The following FSTL5 variants were observed in gnomAD, a reference collection of about 807,000 sequenced individuals.
FSTL5 encodes the protein follistatin-related protein 5.
In FSTL5, 62 loss-of-function variants were observed where a neutral mutation model predicts 89.1. The observed-to-expected ratio is 0.70, with a 90% CI of 0.57 to 0.86. FSTL5 has a LOEUF of 0.86. FSTL5 is among the 40% of genes least tolerant of loss of function. FSTL5 has a pLI of 0.00. For synonymous variants in FSTL5, 383 were observed against 346.2 expected, an observed-to-expected ratio of 1.11 and a Z score of -1.18; for missense variants, 1,057 against 1,001.6, an observed-to-expected ratio of 1.06 and a Z score of -0.75.
chr4:162,067,943 T>A (rs1198395479), intron 2 of FSTL5, among the ~76,000 whole-genome samples: 1 of 151,916 alleles, frequency 6.6e-6, no homozygotes. Flanking sequence ...TGAACTCCAA[T>A]TCACAATTCC....
intron 4 of FSTL5, among the ~76,000 whole-genome samples, chr4:161,870,405 G>GA (rs1001295413): frequency 1.7e-4 from 26 of 151,648 alleles, no homozygotes; most frequent in African/African-American, 4.1e-4. Context: ...AGTAAAAAAA[G>GA]AAAAAACAAG....
intron 4 of FSTL5, among the ~76,000 whole-genome samples, chr4:161,837,520 AG>A (rs1731085319): frequency 6.6e-6 from 1 of 152,106 alleles, no homozygotes. Context: ...CACTAGTTTG[AG>A]GTGAAAAAAT....
intron 2 of FSTL5, among the ~76,000 whole-genome samples, chr4:162,065,375 TAAATA>T (rs1738860242): frequency 6.6e-6 from 1 of 151,722 alleles, no homozygotes; most frequent in Non-Finnish European, 1.5e-5. Flanking sequence ...CCCCAAAACC[TAAATA>T]AATATGGGAA....
At chr4:161,986,466 C>T (rs952497708) in intron 3 of FSTL5, among the ~76,000 whole-genome samples, 3 of 152,032 alleles carry the variant, frequency 2.0e-5, no homozygotes, top group Non-Finnish European at 2.9e-5. Context: ...GCAGGAGAAT[C>T]GCTTGAACCC....
At position 162,111,426 on chromosome 4, in the gene FSTL5, A is replaced by G. The variant is rs1261979870; in HGVS notation, c.-16-14T>C. 1.9e-6 allele frequency: 3 copies of G among 1,573,530 alleles called. No individual in the cohort carries two copies. The highest frequency in any genetic ancestry group is 2.6e-6 in the Non-Finnish European group (3 of 1,152,490). On this transcript the variant is annotated splice_polypyrimidine_tract_variant and intron_variant, in intron 1 of 15. Transcript: ENST00000306100. ...ATTGCTTTTCACCTGTCAAAATTAA[A>G]ATTGCAAGGAATCAGAGAAAATGAA...
At chr4:161,574,262 G>C (rs1274945567) in intron 8 of FSTL5, among the ~76,000 whole-genome samples, 4 of 151,672 alleles carry the variant, frequency 2.6e-5, no homozygotes, top group Non-Finnish European at 5.9e-5. Context: ...CTTTTGGAGA[G>C]AATATTCACC....
chr4:161,584,316 AGTCT>A (rs1172660389), intron 8 of FSTL5, among the ~76,000 whole-genome samples: 1 of 152,206 alleles, frequency 6.6e-6, no homozygotes, highest in African/African-American at 2.4e-5. Flanking sequence ...TTTCCCAAAC[AGTCT>A]GTCTTTCTCT....
At chr4:161,762,926 C>T (rs988460378) in intron 5 of FSTL5, among the ~76,000 whole-genome samples, 12 of 152,046 alleles carry the variant, frequency 7.9e-5, no homozygotes, top group Non-Finnish European at 1.6e-4. Flanking sequence ...GGAGTTCAGA[C>T]ACACAGCATG....
rs1730593923 is a variant in FSTL5 at position 161,385,664 on chromosome 4, G to T, written c.*83C>A. 9.1e-7 allele frequency: 1 copy of T among 1,095,538 alleles called. No individual in the cohort carries two copies. The highest frequency in any genetic ancestry group is 1.3e-6 in the Non-Finnish European group (1 of 759,198). 67.9% of individuals were successfully genotyped at this position (1,095,538 alleles called of 1,614,324 possible). A position where few individuals can be genotyped will look rare whatever the true frequency, so the allele number is the denominator to read the frequency against. ...TTTGTTTGACTAGGATATAAACTTG[G>T]AAAGTTAAGTTGTAAATTTAAACAA... On this transcript the variant is annotated 3_prime_UTR_variant, in exon 16 of 16. Coordinates refer to ENST00000306100, the MANE Select transcript of FSTL5 (RefSeq NM_020116.5).
chr4:161,565,406 T>C (rs1284411766), intron 8 of FSTL5, among the ~76,000 whole-genome samples: 1 of 151,854 alleles, frequency 6.6e-6, no homozygotes, highest in Non-Finnish European at 1.5e-5. Context: ...TTGAAATAAA[T>C]ACATATATAT....
chr4:161,428,648 G>A (rs1732245909), intron 15 of FSTL5, among the ~76,000 whole-genome samples: 1 of 151,998 alleles, frequency 6.6e-6, no homozygotes, highest in East Asian at 2.0e-4. Context: ...GCTTTAAATG[G>A]AAGAACGCAG....
At chr4:161,874,489 G>C (rs575033653) in intron 4 of FSTL5, among the ~76,000 whole-genome samples, 12 of 150,984 alleles carry the variant, frequency 7.9e-5, no homozygotes, top group African/African-American at 2.9e-4. Flanking sequence ...CTAAATTCTG[G>C]AAAAAAATTA....
At chr4:161,523,453 T>C (rs1266782355) in intron 10 of FSTL5, among the ~76,000 whole-genome samples, 2 of 152,202 alleles carry the variant, frequency 1.3e-5, no homozygotes, top group Non-Finnish European at 2.9e-5. Flanking sequence ...ATGCTTATAA[T>C]TTAATAGGCC....
intron 6 of FSTL5, among the ~76,000 whole-genome samples, chr4:161,740,257 T>C (rs1739969200): frequency 6.6e-6 from 1 of 152,088 alleles, no homozygotes. Context: ...TGACCTCAAG[T>C]TATTCGCCCA....
intron 4 of FSTL5, among the ~76,000 whole-genome samples, chr4:161,800,728 G>A (rs892966255): frequency 1.3e-5 from 2 of 151,446 alleles, no homozygotes; most frequent in African/African-American, 4.8e-5. Flanking sequence ...AATTCAGAAA[G>A]TACCATGAAA....
intron 6 of FSTL5, among the ~76,000 whole-genome samples, chr4:161,689,424 A>G (rs1737854102): frequency 6.6e-6 from 1 of 152,140 alleles, no homozygotes; most frequent in Non-Finnish European, 1.5e-5. Flanking sequence ...TATAATAAAT[A>G]CTTAACTTTA....
chr4:161,974,588 T>C (rs559551338), intron 3 of FSTL5, among the ~76,000 whole-genome samples: 5 of 121,946 alleles, frequency 4.1e-5, no homozygotes, highest in Non-Finnish European at 8.5e-5. Flanking sequence ...TTACACCTTA[T>C]ACAAAAATCA....
chr4:161,618,996 A>C (rs1735003923), intron 7 of FSTL5, among the ~76,000 whole-genome samples: 1 of 152,214 alleles, frequency 6.6e-6, no homozygotes, highest in African/African-American at 2.4e-5. Context: ...ACAGAGATAT[A>C]GATCAATGGA....
In FSTL5 at chr4:161,920,483, G is replaced by C; in HGVS notation, c.330C>G (p.Asn110Lys). Reference protein sequence around the residue: ...VCGSDGEFYENHCEVHRAACL... With the variant: ...VCGSDGEFYEKHCEVHRAACL... The stretch of plus-strand genomic sequence containing the variant: ...AAGCAGCTCTGTGCACTTCACAGTG[G>C]TTTTCATAGAATTCTCCGTCAGATC... Residue 110 changes from asparagine (N) to lysine (K), a missense_variant, in exon 4 of 16, where the codon AAC (asparagine) becomes AAG (lysine). Transcript: ENST00000306100. The C allele has an allele frequency of 6.2e-7, 1 of 1,613,020 alleles. No homozygotes were observed.
Sources: allele counts gnomAD v4.1 joint callset (sites outside exome capture counted in the v4.1 genomes callset), GRCh38; gene constraint gnomAD v4.1.1; transcripts MANE v1.5; gene names NCBI Gene and HGNC (gene_info 2026-07-23, HGNC 2026-07-21).